TTC9B: variants seen among roughly 807,000 people sequenced by gnomAD.
TTC9B encodes tetratricopeptide repeat domain 9B.
TTC9B carries 12 observed loss-of-function variants against 19.4 expected under a neutral mutation model. The observed-to-expected ratio is 0.62, with a 90% confidence interval of 0.40 to 1.00. The LOEUF (loss-of-function observed/expected upper bound fraction) is 1.00, where lower values mean the gene tolerates loss of function less well. Among genes scored for constraint, TTC9B ranks in the 50% least tolerant of loss-of-function variants. TTC9B has a pLI of 0.00. For synonymous variants in TTC9B, 156 were observed against 158.6 expected, an observed-to-expected ratio of 0.98 and a Z score of 0.12; for missense variants, 316 against 345.2, an observed-to-expected ratio of 0.92 and a Z score of 0.67.
At position 40,218,242 on chromosome 19, in the gene TTC9B, G is replaced by A. The variant is rs1029593585; in HGVS notation, c.140C>T (p.Thr47Ile). 3 of 1,523,584 alleles carry A rather than the reference G, an allele frequency of 2.0e-6. No individual in the cohort carries two copies. The highest frequency in any genetic ancestry group is 2.6e-6 in the Non-Finnish European group (3 of 1,144,308). The allele number at this position is 1,523,584 out of a possible 1,614,324, so 94.4% of individuals were successfully genotyped here. The change falls in exon 1 of 3, where the codon ACC (threonine) becomes ATC (isoleucine). Residue 47 changes from threonine to isoleucine, a missense_variant. Thr to Ile is a moderately conservative substitution (Grantham distance 89, BLOSUM62 -1). Coordinates refer to ENST00000311308, the MANE Select transcript of TTC9B (RefSeq NM_152479.6). The surrounding 1 kb of genome is among the most constrained non-coding windows in gnomAD (Gnocchi z 4.2). ...SRHGSARPGP[T>I]PEPSGSLGAA... The stretch of plus-strand genomic sequence containing the variant: ...GCCCAGGCTCCCCGACGGCTCTGGG[G>A]TAGGACCGGGACGAGCCGAGCCATG...
Position 40,216,178 on chromosome 19 carries a change from C to G in TTC9B, c.705G>C (p.Arg235=), listed in dbSNP as rs865942194. Residue 235 remains arginine, a synonymous_variant, in exon 3 of 3, where the codon CGG becomes CGC. Transcript: ENST00000311308. The stretch of plus-strand genomic sequence containing the variant: ...TGGATTGGCCTCAGCCAATTACATC[C>G]CGAGTCTGGGACCCAGCCCCACTGT... ...REDSGAGSQT[R]DVIG 6.2e-7 allele frequency: 1 copy of G among 1,614,192 alleles called. No homozygotes were observed. The highest frequency in any genetic ancestry group is 2.2e-5 in the East Asian group (1 of 44,886).
At chr19:40,216,413 G>T (rs1973368016) in intron 2 of TTC9B, 141 bp from the exon 3 acceptor site, 3 of 643,650 alleles carry the variant, frequency 4.7e-6, no homozygotes, top group Admixed American at 4.8e-5. Flanking sequence ...CTTCCCCAAA[G>T]CCCCAGTCAC....
At chr19:40,217,855 C>T in intron 1 of TTC9B, 100 bp downstream of exon 1, 1 of 1,171,200 alleles carries the variant, frequency 8.5e-7, no homozygotes, top group Non-Finnish European at 1.1e-6. Flanking sequence ...GCCCACAGCC[C>T]TGGACCCTTC....
rs1973358191 is a variant in TTC9B, at chr19:40,216,086, C to T, written c.*77G>A. On this transcript the variant is annotated 3_prime_UTR_variant, in exon 3 of 3. Coordinates refer to ENST00000311308, the MANE Select transcript of TTC9B (RefSeq NM_152479.6). ...TGATCACCAGTGACAAGTGTTTTAC[C>T]AACAAACACATGAGTCGGGGGAAGT... 1.7e-6 allele frequency: 2 copies of T among 1,208,098 alleles called. No individual in the cohort carries two copies. Among genetic ancestry groups the T allele is most frequent in the Non-Finnish European group, 2.5e-6 (2 of 814,218 alleles). 74.8% of individuals were successfully genotyped at this position (1,208,098 alleles called of 1,614,324 possible).
chr19:40,217,401 G>C (rs1973383750), intron 1 of TTC9B, 32 bp from the exon 2 acceptor site: 1 of 1,601,834 alleles, frequency 6.2e-7, no homozygotes, highest in South Asian at 1.1e-5. Flanking sequence ...CACTCTCAGA[G>C]CCTGCTGGCA....
intron 2 of TTC9B, chr19:40,216,872 T>G: frequency 2.0e-6 from 1 of 488,644 alleles, no homozygotes. Context: ...GAGATGACAG[T>G]GGGTGGATAG....
intron 2 of TTC9B, chr19:40,216,808 T>C (rs1203821774): frequency 2.9e-5 from 11 of 374,322 alleles, no homozygotes; most frequent in African/African-American, 1.6e-4. Context: ...TGTGCGTGAA[T>C]GGGTGAGTGG....
intron 2 of TTC9B, chr19:40,216,587 A>C: frequency 2.5e-6 from 1 of 401,738 alleles, no homozygotes; most frequent in East Asian, 5.1e-5. Context: ...TTAACAGGAA[A>C]ACTAATCTCG....
intron 1 of TTC9B, 115 bp downstream of exon 1, chr19:40,217,840 C>G (rs73933218): frequency 0.14 from 137,202 of 963,848 alleles, 11,215 homozygotes; most frequent in African/African-American, 0.3. Context: ...AAGGCTCCCC[C>G]AGAAGCCCAC....
intron 1 of TTC9B, 156 bp from the exon 2 acceptor site, chr19:40,217,525 G>A: frequency 1.1e-6 from 1 of 950,844 alleles, no homozygotes. Context: ...CGAAACAGGC[G>A]CAACTGCGCC....
chr19:40,216,129 G>A lies in TTC9B; in HGVS notation c.*34C>T. On this transcript the variant is annotated 3_prime_UTR_variant, in exon 3 of 3. Transcript: ENST00000311308. Reference sequence around the variant, plus strand: ...GGGGAAGTTACATGGTGAGGTGGGAGGGCGAGGGATAGAGAGGTCCCCCTG... The same window carrying A: ...GGGGAAGTTACATGGTGAGGTGGGAAGGCGAGGGATAGAGAGGTCCCCCTG... The A allele has an allele frequency of 6.5e-7, 1 of 1,549,580 alleles. No homozygotes were observed. Among genetic ancestry groups the A allele is most frequent in the South Asian group, 1.1e-5 (1 of 89,762 alleles).
intron 2 of TTC9B, 131 bp downstream of exon 2, chr19:40,217,056 C>A: frequency 2.9e-6 from 3 of 1,050,504 alleles, no homozygotes; most frequent in Non-Finnish European, 4.1e-6. Context: ...GTGGCGCAGC[C>A]CTACCTAGAA....
At position 40,218,359 on chromosome 19, in the gene TTC9B, G is replaced by T; in HGVS notation, c.23C>A (p.Pro8Gln). 1 of 1,342,120 alleles carries T rather than the reference G, an allele frequency of 7.5e-7. No individual in the cohort carries two copies. Among genetic ancestry groups the T allele is most frequent in the South Asian group, 1.9e-5 (1 of 52,136 alleles). 83.1% of individuals were successfully genotyped at this position (1,342,120 alleles called of 1,614,324 possible). A position where few individuals can be genotyped will look rare whatever the true frequency, so the allele number is the denominator to read the frequency against. MQRGALSPVLMLSAAPEP... is the reference protein window; with the variant it reads MQRGALSQVLMLSAAPEP... Reference sequence around the variant, plus strand: ...CGGGGCAGCGCTGAGCATCAGCACCGGGGACAGCGCGCCGCGCTGCATTGT... The same window carrying T: ...CGGGGCAGCGCTGAGCATCAGCACCTGGGACAGCGCGCCGCGCTGCATTGT... The change falls in exon 1 of 3, where the codon CCG (proline) becomes CAG (glutamine). Residue 8 changes from proline (P) to glutamine (Q), a missense_variant. Pro to Gln is a moderately conservative substitution (Grantham distance 76). Coordinates refer to ENST00000311308, the MANE Select transcript of TTC9B (RefSeq NM_152479.6). This position sits in a 1 kb window ranked among gnomAD's most constrained non-coding sequence, Gnocchi z 4.2.
Position 40,218,069 on chromosome 19 carries a change from C to A in TTC9B, c.313G>T (p.Gly105Cys). Residue 105 changes from glycine (G) to cysteine (C), a missense_variant, in exon 1 of 3, where the codon GGC (glycine) becomes TGC (cysteine). Transcript: ENST00000311308. This position sits in a 1 kb window ranked among gnomAD's most constrained non-coding sequence, Gnocchi z 4.2. ...LKAAQGARPS[G>C]LPAPAPGPTS... ...GGCCCGGGGGCGGGGGCGGGCAGGC[C>A]GCTAGGGCGGGCCCCCTGCGCCGCC... The A allele has an allele frequency of 5.2e-6, 8 of 1,538,032 alleles. No individual in the cohort carries two copies. Among genetic ancestry groups the A allele is most frequent in the Admixed American group, 2.0e-5 (1 of 49,092 alleles).
At chr19:40,217,922 C>CGGG in intron 1 of TTC9B, 33 bp downstream of exon 1, 1 of 1,304,562 alleles carries the variant, frequency 7.7e-7, no homozygotes, top group Non-Finnish European at 1.0e-6. Flanking sequence ...CCCCTCCCCT[C>CGGG]GTGCCCCATC....
At chr19:40,217,709 G>A in intron 1 of TTC9B, 1 of 516,148 alleles carries the variant, frequency 1.9e-6, no homozygotes, top group South Asian at 3.2e-5. Flanking sequence ...TGGAAAGAAT[G>A]ACTCAGGGGA....
intron 2 of TTC9B, chr19:40,216,796 G>A (rs946199278): frequency 5.4e-6 from 2 of 367,624 alleles, no homozygotes; most frequent in Non-Finnish European, 1.0e-5. Flanking sequence ...TGAATGAATA[G>A]GTGTGCGTGA....
At chr19:40,217,799 A>G (rs1973389935) in intron 1 of TTC9B, 156 bp downstream of exon 1, 2 of 657,100 alleles carry the variant, frequency 3.0e-6, no homozygotes, top group Non-Finnish European at 2.3e-6. Context: ...GTCATCCCCT[A>G]CCCCTAATCC....
At chr19:40,216,349 C>T (rs1973366592) in intron 2 of TTC9B, 77 bp from the exon 3 acceptor site, 1 of 1,091,724 alleles carries the variant, frequency 9.2e-7, no homozygotes, top group African/African-American at 1.5e-5. Flanking sequence ...TGGCTCACAC[C>T]CCATTCTCCG....
Sources: allele counts gnomAD v4.1 joint callset, GRCh38; gene constraint gnomAD v4.1.1; non-coding constraint Gnocchi (gnomAD v3.1); transcripts MANE v1.5; gene names NCBI Gene and HGNC (gene_info 2026-07-23, HGNC 2026-07-21).